The following SCML4 variants were observed in gnomAD, a reference collection of about 807,000 sequenced individuals.
The protein encoded by SCML4 is sex comb on midleg-like protein 4.
Under a neutral mutation model 41.1 loss-of-function variants are expected in SCML4, and 34 were observed. The ratio of observed to expected loss-of-function variants is 0.83; its 90% CI spans 0.63 to 1.10. SCML4 has a LOEUF of 1.10. Ranked by LOEUF, SCML4 falls within the 50% of genes least tolerant of loss-of-function variation. The pLI, the probability that SCML4 is intolerant of heterozygous loss-of-function variation, is 0.00. For missense variants in SCML4, 522 were observed against 534.1 expected (o/e 0.98, Z 0.22); for synonymous variants, 214 against 220.9 (o/e 0.97, Z 0.28).
chr6:107,799,248 T>C (rs977169709), intron 1 of SCML4, among the ~76,000 whole-genome samples: 1 of 152,244 alleles, frequency 6.6e-6, no homozygotes, highest in Non-Finnish European at 1.5e-5. Flanking sequence ...TCTGTTATTA[T>C]AGTACAAATA....
chr6:107,735,616 T>C (rs534901925), intron 5 of SCML4, among the ~76,000 whole-genome samples: 1 of 151,814 alleles, frequency 6.6e-6, no homozygotes, highest in Non-Finnish European at 1.5e-5. Flanking sequence ...CTGACCAACA[T>C]GGCAAAACTC....
In SCML4 at chr6:107,702,403, G is replaced by C. The variant is rs770507216; in HGVS notation, c.*2797C>G. Among the ~76,000 whole-genome samples the C allele has an allele frequency of 6.6e-6, 1 of 152,158 alleles. No homozygotes were observed. Among genetic ancestry groups the C allele is most frequent in the Non-Finnish European group, 1.5e-5 (1 of 68,030 alleles). ...TTGTTTGGGGCTGATTTTTATTTGA[G>C]AGCACCAATGTTTGTGACTCTGTAG... On this transcript the variant is annotated 3_prime_UTR_variant, in exon 8 of 8. Transcript: ENST00000369020.
the SCML4 span, among the ~76,000 whole-genome samples, chr6:107,837,022 T>C: frequency 6.6e-6 from 1 of 152,202 alleles, no homozygotes; most frequent in Non-Finnish European, 1.5e-5. Context: ...ATGTGGCCTT[T>C]GTCCCTGCAT....
intron 5 of SCML4, among the ~76,000 whole-genome samples, chr6:107,734,100 G>A (rs1472542484): frequency 6.6e-6 from 1 of 152,136 alleles, no homozygotes; most frequent in African/African-American, 2.4e-5. Context: ...GATTCCTGGG[G>A]TCAGCCTTCT....
At chr6:107,806,874 C>T (rs1196545271) in intron 1 of SCML4, among the ~76,000 whole-genome samples, 1 of 152,212 alleles carries the variant, frequency 6.6e-6, no homozygotes, top group African/African-American at 2.4e-5. Context: ...GTGCCTGCAG[C>T]TGGGCAGAGC....
chr6:107,800,621 G>C (rs1010502851), intron 1 of SCML4, among the ~76,000 whole-genome samples: 1 of 152,140 alleles, frequency 6.6e-6, no homozygotes, highest in Non-Finnish European at 1.5e-5. Context: ...TGTGTTTTTT[G>C]TGTATGTGTT....
intron 1 of SCML4, among the ~76,000 whole-genome samples, chr6:107,794,051 G>A (rs1265134091): frequency 6.6e-6 from 1 of 152,160 alleles, no homozygotes; most frequent in Non-Finnish European, 1.5e-5. Context: ...CTCTTATTAT[G>A]GTCTTATCAT....
At chr6:107,734,895 A>G (rs921410003) in intron 5 of SCML4, among the ~76,000 whole-genome samples, 1 of 152,108 alleles carries the variant, frequency 6.6e-6, no homozygotes, top group Non-Finnish European at 1.5e-5. Context: ...GTGGTTTTTG[A>G]GAAGGAATCA....
intron 2 of SCML4, among the ~76,000 whole-genome samples, chr6:107,752,898 C>G (rs1778807132): frequency 6.6e-6 from 1 of 151,974 alleles, no homozygotes; most frequent in African/African-American, 2.4e-5. Flanking sequence ...ATGGGAAATG[C>G]AATTGAGGAG....
At chr6:107,711,867 C>T (rs564130675) in intron 6 of SCML4, among the ~76,000 whole-genome samples, 22 of 152,224 alleles carry the variant, frequency 1.4e-4, no homozygotes, top group African/African-American at 5.1e-4. Flanking sequence ...TTTTAATGTG[C>T]CTGAGACGTG....
At chr6:107,764,934 C>T (rs937086462) in intron 2 of SCML4, among the ~76,000 whole-genome samples, 1 of 152,200 alleles carries the variant, frequency 6.6e-6, no homozygotes, top group Non-Finnish European at 1.5e-5. Flanking sequence ...TTTCGCTTTC[C>T]ACCATGACTG....
intron 1 of SCML4, among the ~76,000 whole-genome samples, chr6:107,798,701 C>A (rs1019181393): frequency 6.6e-6 from 1 of 151,906 alleles, no homozygotes. Flanking sequence ...GCTTGTAGAC[C>A]TTTTCCTTTT....
chr6:107,800,751 G>A lies in SCML4; in HGVS notation c.-60+23375C>T, dbSNP rs1431203020. ...TCTTTGCCAGTTGGCTTAATGTTAG[G>A]TCCTGTCAATAGAGGGCATTGGAGA... is the stretch of plus-strand genomic sequence containing the variant. On this transcript the variant is annotated intron_variant, in intron 1 of 7. Coordinates refer to ENST00000369020, the MANE Select transcript of SCML4 (RefSeq NM_198081.5). Among the ~76,000 whole-genome samples, 36 of 152,160 alleles carry A rather than the reference G, an allele frequency of 2.4e-4. 1 individual carries two copies. Among genetic ancestry groups the A allele is most frequent in the Admixed American group, 2.4e-3 (36 of 15,282 alleles).
chr6:107,803,463 C>G (rs1314991949), intron 1 of SCML4, among the ~76,000 whole-genome samples: 1 of 143,504 alleles, frequency 7.0e-6, no homozygotes, highest in Non-Finnish European at 1.5e-5. Context: ...CCGCCCGGTC[C>G]GGGAGGTGAG....
At chr6:107,721,953 G>A (rs1048913588) in intron 5 of SCML4, among the ~76,000 whole-genome samples, 10 of 150,632 alleles carry the variant, frequency 6.6e-5, no homozygotes, top group Non-Finnish European at 1.5e-4. Flanking sequence ...CATCATCAGC[G>A]CCTCTTAAGT....
intron 2 of SCML4, among the ~76,000 whole-genome samples, chr6:107,757,457 G>A (rs1369112495): frequency 6.6e-6 from 1 of 152,166 alleles, no homozygotes; most frequent in Non-Finnish European, 1.5e-5. Flanking sequence ...GAAGGATGAG[G>A]ATGTATAGAG....
At chr6:107,780,799 C>T (rs1781426000) in intron 1 of SCML4, among the ~76,000 whole-genome samples, 1 of 151,540 alleles carries the variant, frequency 6.6e-6, no homozygotes, top group Admixed American at 6.6e-5. Flanking sequence ...GAAGAGTCGG[C>T]ATTAGCTTGT....
intron 1 of SCML4, among the ~76,000 whole-genome samples, chr6:107,810,243 A>G: frequency 6.6e-6 from 1 of 152,154 alleles, no homozygotes; most frequent in Non-Finnish European, 1.5e-5. Flanking sequence ...ACTGCCTGCC[A>G]TACTGGGTAG....
At chr6:107,839,393 G>C in the SCML4 span, among the ~76,000 whole-genome samples, 426 of 134,494 alleles carry the variant, frequency 3.2e-3, 5 homozygotes, top group African/African-American at 0.012. Context: ...AAGAAAGAAA[G>C]AAAGAAAGAA....
Sources: gnomAD v4.1 joint callset for allele counts (sites outside exome capture counted in the v4.1 genomes callset) on GRCh38, gnomAD v4.1.1 for gene constraint, MANE v1.5 for transcripts, NCBI Gene and HGNC (gene_info 2026-07-23, HGNC 2026-07-21) for gene names.